The following LZTFL1 variants were observed in gnomAD, a reference collection of about 807,000 sequenced individuals.
LZTFL1 encodes the protein leucine zipper transcription factor-like protein 1.
In LZTFL1, 25 loss-of-function variants were observed where a neutral mutation model predicts 45.9. That is an observed-to-expected ratio of 0.54 (90% CI 0.40 to 0.76). The LOEUF is 0.76. LZTFL1 is among the 30% of genes least tolerant of loss of function. The probability of loss-of-function intolerance (pLI) is 0.00; values close to 1 mark genes in which losing one functional copy is unlikely to be tolerated. For synonymous variants in LZTFL1, 93 were observed against 117.4 expected (o/e 0.79, Z 1.35); for missense variants, 277 against 331.1 (o/e 0.84, Z 1.27).
chr3:45,848,416 T>C (rs1445845427), intron 4 of LZTFL1, among the ~76,000 whole-genome samples: 1 of 152,242 alleles, frequency 6.6e-6, no homozygotes, highest in African/African-American at 2.4e-5. Flanking sequence ...TAGTGACACT[T>C]TGTATGGATC....
chr3:45,885,062 A>G (rs1470143280), intron 2 of LZTFL1, among the ~76,000 whole-genome samples: 1 of 152,166 alleles, frequency 6.6e-6, no homozygotes, highest in Non-Finnish European at 1.5e-5. Context: ...TACCTTTCAG[A>G]TGACCTATTT....
At chr3:45,903,626 T>C (rs1702621165) in intron 2 of LZTFL1, among the ~76,000 whole-genome samples, 1 of 152,160 alleles carries the variant, frequency 6.6e-6, no homozygotes, top group South Asian at 2.1e-4. Context: ...TGCCCACTTC[T>C]AAAGCACATG....
chr3:45,881,344 CAGTTA>C (rs2125726833), intron 2 of LZTFL1, among the ~76,000 whole-genome samples: 1 of 152,352 alleles, frequency 6.6e-6, no homozygotes, highest in South Asian at 2.1e-4. Flanking sequence ...CACACTTGCT[CAGTTA>C]AAGATACCCA....
At position 45,830,933 on chromosome 3, in the gene LZTFL1, G is replaced by C; in HGVS notation, c.580C>G (p.Leu194Val). The C allele has an allele frequency of 6.2e-7, 1 of 1,613,964 alleles. No individual in the cohort carries two copies. The highest frequency in any genetic ancestry group is 8.5e-7 in the Non-Finnish European group (1 of 1,179,890). Residue 194 changes from leucine (L) to valine (V), a missense_variant, in exon 7 of 10, where the codon CTT becomes GTT. Transcript: ENST00000296135. ...KLEKALQDLQ[L>V]DQGNQKDFIK... ...TTCACCTTTTGATTTCCTTGATCAA[G>C]CTGTAAATCTTGCAGTGCTTTTTCT...
At chr3:45,856,177 C>T (rs1021898598) in intron 3 of LZTFL1, among the ~76,000 whole-genome samples, 3 of 152,128 alleles carry the variant, frequency 2.0e-5, no homozygotes, top group African/African-American at 7.2e-5. Context: ...GGTACTGGTA[C>T]AAAACCAGAC....
chr3:45,877,408 A>AT (rs2125722230), intron 2 of LZTFL1, among the ~76,000 whole-genome samples: 1 of 151,778 alleles, frequency 6.6e-6, no homozygotes, highest in South Asian at 2.1e-4. Flanking sequence ...TAATTTTTGC[A>AT]TTTTTAGTAG....
At chr3:45,911,918 G>C (rs974108072) in intron 2 of LZTFL1, among the ~76,000 whole-genome samples, 7 of 152,234 alleles carry the variant, frequency 4.6e-5, no homozygotes, top group Admixed American at 4.6e-4. Context: ...AAGTTAAACT[G>C]GCACCTACTA....
chr3:45,902,699 CAG>C (rs1702597588), intron 2 of LZTFL1: 1 of 167,136 alleles, frequency 6.0e-6, no homozygotes, highest in South Asian at 2.1e-4. Context: ...TCGCAGGAGC[CAG>C]CCTTGGCCCT....
chr3:45,846,763 C>T (rs929231994), upstream of LZTFL1, among the ~76,000 whole-genome samples: 2 of 151,196 alleles, frequency 1.3e-5, no homozygotes, highest in African/African-American at 2.4e-5. Flanking sequence ...CTTGCTGTCT[C>T]GGGTGGCAGA....
intron 2 of LZTFL1, among the ~76,000 whole-genome samples, chr3:45,880,959 A>G (rs1243396340): frequency 6.6e-6 from 1 of 152,266 alleles, no homozygotes; most frequent in East Asian, 1.9e-4. Flanking sequence ...AGCAAATAGT[A>G]GGAGCTTGAC....
At chr3:45,855,092 G>C in intron 3 of LZTFL1, 2 of 1,434,090 alleles carry the variant, frequency 1.4e-6, no homozygotes, top group Non-Finnish European at 1.9e-6. Context: ...ATGAGAGTTC[G>C]AGTTAAAAAT....
chr3:45,912,267 G>A (rs138936591), intron 2 of LZTFL1, among the ~76,000 whole-genome samples: 39 of 152,336 alleles, frequency 2.6e-4, no homozygotes, highest in Middle Eastern at 3.4e-3. Flanking sequence ...GATGAAAATT[G>A]AGGTGGAAAT....
At chr3:45,865,795 T>C (rs1701569453) in intron 2 of LZTFL1, among the ~76,000 whole-genome samples, 1 of 152,212 alleles carries the variant, frequency 6.6e-6, no homozygotes, top group African/African-American at 2.4e-5. Context: ...CACTCCTGAG[T>C]GTTTACCCAA....
intron 2 of LZTFL1, among the ~76,000 whole-genome samples, chr3:45,864,318 C>G (rs1367063094): frequency 6.6e-6 from 1 of 152,046 alleles, no homozygotes; most frequent in Non-Finnish European, 1.5e-5. Context: ...TACGTGATAC[C>G]TGATTTAATT....
chr3:45,849,247 G>A (rs1559408819), intron 4 of LZTFL1, among the ~76,000 whole-genome samples: 1 of 152,140 alleles, frequency 6.6e-6, no homozygotes. Context: ...TCCCTGAATT[G>A]AACCTTCAGG....
intron 4 of LZTFL1, among the ~76,000 whole-genome samples, chr3:45,852,123 G>T (rs1191163702): frequency 1.3e-5 from 2 of 152,110 alleles, no homozygotes; most frequent in Admixed American, 1.3e-4. Context: ...TCTGCTCAAA[G>T]AAAGTACCTT....
upstream of LZTFL1, among the ~76,000 whole-genome samples, chr3:45,845,854 A>G (rs1701210200): frequency 6.6e-6 from 1 of 152,246 alleles, no homozygotes; most frequent in Non-Finnish European, 1.5e-5. Flanking sequence ...AGCTGTGTTC[A>G]TGACTGGAAG....
intron 2 of LZTFL1, chr3:45,897,730 C>A: frequency 1.4e-6 from 1 of 728,160 alleles, no homozygotes; most frequent in Non-Finnish European, 2.2e-6. Flanking sequence ...GTCCTTCTGC[C>A]AAGCATGCCC....
chr3:45,881,028 G>A (rs973803277), intron 2 of LZTFL1, among the ~76,000 whole-genome samples: 4 of 152,164 alleles, frequency 2.6e-5, no homozygotes, highest in Non-Finnish European at 5.9e-5. Context: ...TGCGTGTGAG[G>A]GCAGAAGGGA....
Sources: allele counts gnomAD v4.1 joint callset (sites outside exome capture counted in the v4.1 genomes callset), GRCh38; gene constraint gnomAD v4.1.1; transcripts MANE v1.5; gene names NCBI Gene and HGNC (gene_info 2026-07-23, HGNC 2026-07-21).